The following ZMYM2 variants were observed in gnomAD, a reference collection of about 807,000 sequenced individuals.
ZMYM2 encodes zinc finger MYM-type protein 2.
Under a neutral mutation model 162.8 loss-of-function variants are expected in ZMYM2, and 56 were observed. The observed-to-expected ratio is 0.34, with a 90% confidence interval of 0.28 to 0.43. ZMYM2 has a LOEUF of 0.43. Among genes scored for constraint, ZMYM2 ranks in the 20% least tolerant of loss-of-function variants. ZMYM2 has a pLI of 1.00. For missense variants in ZMYM2, 1,275 were observed against 1,621.8 expected (o/e 0.79, Z 3.67); for synonymous variants, 510 against 541.6 (o/e 0.94, Z 0.81).
At chr13:19,999,659 T>C (rs1950255830) in intron 3 of ZMYM2, among the ~76,000 whole-genome samples, 1 of 152,170 alleles carries the variant, frequency 6.6e-6, no homozygotes, top group Non-Finnish European at 1.5e-5. Flanking sequence ...TGTTTAGGCT[T>C]AGTGAGGAAT....
rs188626074 is a variant in ZMYM2, at chr13:19,988,743, G to A, written c.-10-4320G>A. ...GGTTGCGGTGAGCAAGATCGATTGC[G>A]CCACTGCATTCCAGCCTGGGTGACA... On this transcript the variant is annotated intron_variant, in intron 2 of 24. Coordinates refer to ENST00000610343, the MANE Select transcript of ZMYM2 (RefSeq NM_197968.4). Among the ~76,000 whole-genome samples, 28 of 152,154 alleles carry A rather than the reference G, an allele frequency of 1.8e-4. No homozygotes were observed. The East Asian group carries it at 4.4e-3, about 24-fold the overall frequency.
upstream of ZMYM2, among the ~76,000 whole-genome samples, chr13:19,955,259 A>G (rs892047005): frequency 4.6e-5 from 7 of 152,194 alleles, no homozygotes; most frequent in South Asian, 8.3e-4. Flanking sequence ...TCATTGAGTC[A>G]AGTATGAATG....
At chr13:19,873,699 G>A in the ZMYM2 span, among the ~76,000 whole-genome samples, 4 of 152,094 alleles carry the variant, frequency 2.6e-5, no homozygotes, top group Non-Finnish European at 4.4e-5. Context: ...GAGCCACCAC[G>A]CCCAGCCCAG....
At chr13:19,994,327 G>A (rs1025191805) in intron 3 of ZMYM2, among the ~76,000 whole-genome samples, 1 of 152,214 alleles carries the variant, frequency 6.6e-6, no homozygotes, top group East Asian at 1.9e-4. Context: ...AATTTAAAAA[G>A]CAAAACAAAC....
At chr13:19,991,067 CGTAT>C (rs1239625678) in intron 2 of ZMYM2, among the ~76,000 whole-genome samples, 3 of 134,692 alleles carry the variant, frequency 2.2e-5, no homozygotes, top group South Asian at 2.4e-4. Context: ...TGTGTGTGTA[CGTAT>C]GTATTTTCTG....
upstream of ZMYM2, among the ~76,000 whole-genome samples, chr13:19,957,684 G>C (rs1410830746): frequency 2.0e-5 from 3 of 152,246 alleles, no homozygotes; most frequent in Non-Finnish European, 2.9e-5. Context: ...AGGACCAGGA[G>C]ACGGTGGCAG....
chr13:20,071,048 A>C (rs935823635), intron 21 of ZMYM2: 31 of 153,002 alleles, frequency 2.0e-4, no homozygotes, highest in Admixed American at 1.8e-3. Context: ...CCTTGCTAAC[A>C]GTTCTAGATC....
intron 14 of ZMYM2, among the ~76,000 whole-genome samples, chr13:20,053,389 G>A (rs531017784): frequency 1.3e-5 from 2 of 152,286 alleles, no homozygotes; most frequent in East Asian, 1.9e-4. Context: ...GGCTGGGCAC[G>A]ATGGCTCACG....
chr13:19,873,969 T>C, the ZMYM2 span, among the ~76,000 whole-genome samples: 2 of 152,198 alleles, frequency 1.3e-5, no homozygotes, highest in Non-Finnish European at 1.5e-5. Context: ...ACAGAGTGCG[T>C]TGGGCAAGGA....
intron 14 of ZMYM2, among the ~76,000 whole-genome samples, 168 bp from the exon 15 acceptor site, chr13:20,058,407 G>T (rs1042267727): frequency 4.6e-5 from 7 of 152,120 alleles, no homozygotes; most frequent in Non-Finnish European, 7.4e-5. Context: ...GATTCATATT[G>T]ATCCTTATAG....
At chr13:19,930,367 C>T in the ZMYM2 span, among the ~76,000 whole-genome samples, 42,558 of 151,684 alleles carry the variant, frequency 0.28, 6,239 homozygotes, top group Admixed American at 0.34. Flanking sequence ...CGCCACTGCA[C>T]TCCAGCCTGG....
intron 3 of ZMYM2, among the ~76,000 whole-genome samples, chr13:19,997,941 G>T (rs191435941): frequency 6.6e-6 from 1 of 152,166 alleles, no homozygotes; most frequent in Admixed American, 6.5e-5. Context: ...TTATTTTTAA[G>T]AATATTCTTG....
At chr13:20,028,987 T>C (rs1043001258) in intron 9 of ZMYM2, among the ~76,000 whole-genome samples, 1 of 152,162 alleles carries the variant, frequency 6.6e-6, no homozygotes, top group African/African-American at 2.4e-5. Context: ...TTTCCCTTTA[T>C]CATAAAGCAA....
chr13:20,027,466 T>C, intron 9 of ZMYM2, 148 bp downstream of exon 9: 1 of 584,096 alleles, frequency 1.7e-6, no homozygotes, highest in Non-Finnish European at 2.8e-6. Context: ...TCACAGAATA[T>C]GTGGCTGTAC....
intron 4 of ZMYM2, among the ~76,000 whole-genome samples, chr13:20,004,127 A>G (rs1950576617): frequency 6.6e-6 from 1 of 152,246 alleles, no homozygotes; most frequent in South Asian, 2.1e-4. Flanking sequence ...CATGTTTAAT[A>G]AATTCAAATA....
intron 21 of ZMYM2, among the ~76,000 whole-genome samples, chr13:20,079,309 T>C (rs1957741414): frequency 1.2e-5 from 1 of 85,380 alleles, no homozygotes; most frequent in African/African-American, 5.1e-5. Context: ...AGAGTAAGAC[T>C]CTGTCTCAAA....
chr13:19,968,095 T>C (rs1955971813), intron 2 of ZMYM2, among the ~76,000 whole-genome samples: 2 of 152,248 alleles, frequency 1.3e-5, no homozygotes, highest in African/African-American at 4.8e-5. Context: ...GTCAACACTA[T>C]AACAAATCTC....
intron 21 of ZMYM2, among the ~76,000 whole-genome samples, chr13:20,080,891 A>AT (rs1458083373): frequency 6.6e-6 from 1 of 152,230 alleles, no homozygotes; most frequent in Non-Finnish European, 1.5e-5. Flanking sequence ...TATGTCATGC[A>AT]GACATTCAAC....
intron 21 of ZMYM2, among the ~76,000 whole-genome samples, chr13:20,078,591 A>T (rs1490911632): frequency 6.6e-6 from 1 of 152,144 alleles, no homozygotes; most frequent in African/African-American, 2.4e-5. Flanking sequence ...AAGTACTAGT[A>T]CCATAATTTC....
Sources: gnomAD v4.1 joint callset for allele counts (sites outside exome capture counted in the v4.1 genomes callset) on GRCh38, gnomAD v4.1.1 for gene constraint, MANE v1.5 for transcripts, NCBI Gene and HGNC (gene_info 2026-07-23, HGNC 2026-07-21) for gene names.